The following PCED1B variants were observed in gnomAD, a reference collection of about 807,000 sequenced individuals.
PCED1B encodes the protein PC-esterase domain-containing protein 1B.
For missense variants in PCED1B, 573 were observed against 573.9 expected (o/e 1.00, Z 0.02); for synonymous variants, 251 against 246.1 (o/e 1.02, Z -0.19).
At chr12:47,191,560 T>C (rs1252588895) in intron 2 of PCED1B, among the ~76,000 whole-genome samples, 3 of 152,130 alleles carry the variant, frequency 2.0e-5, no homozygotes, top group East Asian at 1.9e-4. Flanking sequence ...CATGTTTCCA[T>C]TGCAATCCGG....
At chr12:47,105,490 G>C (rs370567426) in intron 2 of PCED1B, among the ~76,000 whole-genome samples, 2 of 152,168 alleles carry the variant, frequency 1.3e-5, no homozygotes, top group East Asian at 1.9e-4. Context: ...GTAGTGCTGT[G>C]CATGCAGCAT....
At chr12:47,080,699 G>A (rs1468861763) in intron 1 of PCED1B, among the ~76,000 whole-genome samples, 2 of 152,202 alleles carry the variant, frequency 1.3e-5, no homozygotes, top group South Asian at 2.1e-4. Flanking sequence ...CGACCTTCCG[G>A]CTGGAATGCA....
At chr12:47,180,857 T>C (rs1190144794) in intron 2 of PCED1B, among the ~76,000 whole-genome samples, 2 of 152,210 alleles carry the variant, frequency 1.3e-5, no homozygotes, top group Non-Finnish European at 2.9e-5. Context: ...GATTTTTTAT[T>C]AACCACTGAG....
chr12:47,172,303 C>T (rs1472890400), intron 2 of PCED1B, among the ~76,000 whole-genome samples: 1 of 148,424 alleles, frequency 6.7e-6, no homozygotes, highest in Non-Finnish European at 1.5e-5. Context: ...TTCTTCAGTT[C>T]ACCCACTTGC....
chr12:47,231,930 C>T (rs533968507), intron 3 of PCED1B, among the ~76,000 whole-genome samples: 53 of 152,248 alleles, frequency 3.5e-4, no homozygotes, highest in Non-Finnish European at 3.5e-4. Flanking sequence ...AGACTTGAGT[C>T]TAGAGTGGGA....
chr12:47,178,894 T>G (rs1346763701), intron 2 of PCED1B, among the ~76,000 whole-genome samples: 2 of 146,736 alleles, frequency 1.4e-5, no homozygotes, highest in Non-Finnish European at 3.0e-5. Flanking sequence ...GAAAAGAAAA[T>G]TGGGATGAGA....
chr12:47,186,147 G>A (rs1382358879), intron 2 of PCED1B, among the ~76,000 whole-genome samples: 3 of 151,972 alleles, frequency 2.0e-5, no homozygotes, highest in Admixed American at 2.0e-4. Context: ...GAACCCAGGG[G>A]GCAGGGGTTG....
intron 2 of PCED1B, among the ~76,000 whole-genome samples, chr12:47,122,026 CAAA>C (rs61540740): frequency 0.013 from 1,326 of 103,702 alleles, 29 homozygotes; most frequent in East Asian, 0.12. Flanking sequence ...GACTCCATCT[CAAA>C]AAAAAAAAAA....
At chr12:47,144,347 C>A (rs924537296) in intron 2 of PCED1B, among the ~76,000 whole-genome samples, 1 of 152,140 alleles carries the variant, frequency 6.6e-6, no homozygotes, top group South Asian at 2.1e-4. Context: ...ACAGGAGGGA[C>A]AGCCTCAAGG....
chr12:47,089,461 C>CATATATATATATATATATATAT (rs1217283440), intron 1 of PCED1B, among the ~76,000 whole-genome samples: 21 of 63,372 alleles, frequency 3.3e-4, no homozygotes, highest in South Asian at 1.2e-3. Context: ...AAAAAAAATA[C>CATATATATATATATATATATAT]ATATATATAT....
At chr12:47,102,907 A>G (rs1371627959) in intron 1 of PCED1B, among the ~76,000 whole-genome samples, 1 of 152,172 alleles carries the variant, frequency 6.6e-6, no homozygotes, top group Non-Finnish European at 1.5e-5. Context: ...GGTGAAGGTA[A>G]TGGTTGCTAT....
At chr12:47,101,217 A>T (rs1198458583) in intron 1 of PCED1B, among the ~76,000 whole-genome samples, 1 of 152,168 alleles carries the variant, frequency 6.6e-6, no homozygotes, top group East Asian at 1.9e-4. Flanking sequence ...TATTATCTAT[A>T]CCAGATGGTT....
chr12:47,132,902 T>G lies in PCED1B; in HGVS notation c.-526+28707T>G, dbSNP rs1412756783. Among the ~76,000 whole-genome samples, 3 of 152,224 alleles carry G rather than the reference T, an allele frequency of 2.0e-5. 1 individual carries two copies. In the East Asian group the frequency reaches 5.8e-4, roughly 29 times the overall value. ...AGAGTCTTTTTGTTAAAGATTATCA[T>G]TCAAAATACAGTACATTCAAGGGGG... On this transcript the variant is annotated intron_variant, in intron 2 of 3. Transcript: ENST00000546455.
rs1943981896 is a variant in PCED1B at position 47,236,229 on chromosome 12, A to G, written c.1166A>G (p.Tyr389Cys). The G allele has an allele frequency of 6.2e-7, 1 of 1,613,962 alleles. No individual in the cohort carries two copies. Among genetic ancestry groups the G allele is most frequent in the African/African-American group, 1.3e-5 (1 of 74,886 alleles). Reference sequence around the variant, plus strand: ...ATGCCCTTCTTCCCCACACCCCGTTATCAGCGGCCTGCCCCAGTGGTACAT... The same window carrying G: ...ATGCCCTTCTTCCCCACACCCCGTTGTCAGCGGCCTGCCCCAGTGGTACAT... ...LPMPFFPTPRYQRPAPVVHRG... is the reference protein window; with the variant it reads ...LPMPFFPTPRCQRPAPVVHRG... The change falls in exon 4 of 4, where the codon TAT (tyrosine) becomes TGT (cysteine). Residue 389 changes from tyrosine (Y) to cysteine (C), a missense_variant. Transcript: ENST00000546455.
At chr12:47,234,923 C>A in intron 3 of PCED1B, 84 bp from the exon 4 acceptor site, 1 of 666,252 alleles carries the variant, frequency 1.5e-6, no homozygotes, top group Non-Finnish European at 2.3e-6. Flanking sequence ...CATCCCCTTC[C>A]CCATGGTCTC....
intron 1 of PCED1B, among the ~76,000 whole-genome samples, chr12:47,086,505 G>A (rs1255249554): frequency 6.6e-6 from 1 of 152,018 alleles, no homozygotes; most frequent in Non-Finnish European, 1.5e-5. Flanking sequence ...GCAAAAGGAT[G>A]ATCTTTTTTC....
chr12:47,210,306 CCAA>C (rs1943037948), intron 2 of PCED1B: 1 of 152,072 alleles, frequency 6.6e-6, no homozygotes, highest in African/African-American at 2.4e-5. Context: ...TGTCATGATA[CCAA>C]AATATAAAGT....
At chr12:47,219,388 C>T (rs892247250) in intron 3 of PCED1B, among the ~76,000 whole-genome samples, 4 of 152,190 alleles carry the variant, frequency 2.6e-5, no homozygotes, top group African/African-American at 9.7e-5. Context: ...GCTGACTCAA[C>T]CCTAGATTCC....
Position 47,184,451 on chromosome 12 carries a change from C to T in PCED1B, c.-525-31771C>T, listed in dbSNP as rs112229444. On this transcript the variant is annotated intron_variant, in intron 2 of 3. Coordinates refer to ENST00000546455, the MANE Select transcript of PCED1B (RefSeq NM_138371.3). ...TCCTGGAAATTTAACCATCTGCTCT[C>T]GGTAACTGCTGCCAGCAGCTCCAGC... 6.6e-3 allele frequency among the ~76,000 whole-genome samples: 1,011 copies of T among 152,252 alleles called. 6 individuals carry two copies. The highest frequency in any genetic ancestry group is 0.024 in the African/African-American group (985 of 41,540).
Sources: allele counts gnomAD v4.1 joint callset (sites outside exome capture counted in the v4.1 genomes callset), GRCh38; gene constraint gnomAD v4.1.1; transcripts MANE v1.5; gene names NCBI Gene and HGNC (gene_info 2026-07-23, HGNC 2026-07-21).